Variants in CLIP1 observed in about 807,000 individuals in gnomAD.
CLIP1 encodes the protein CAP-Gly domain containing linker protein 1.
CLIP1 carries 66 observed loss-of-function variants against 161.6 expected under a neutral mutation model. The ratio of observed to expected loss-of-function variants is 0.41; its 90% CI spans 0.33 to 0.50. The LOEUF is 0.50. CLIP1 is among the 20% of genes least tolerant of loss of function. The pLI is 0.27. For missense variants in CLIP1, 1,376 were observed against 1,702.0 expected, an observed-to-expected ratio of 0.81 and a Z score of 3.37; for synonymous variants, 598 against 626.2, an observed-to-expected ratio of 0.96 and a Z score of 0.67.
chr12:122,405,564 A>AGCG (rs1335582782), intron 1 of CLIP1, among the ~76,000 whole-genome samples: 2 of 151,532 alleles, frequency 1.3e-5, no homozygotes, highest in African/African-American at 4.8e-5. Context: ...CAAGGCGGAT[A>AGCG]GATCACCTGA....
intron 1 of CLIP1, among the ~76,000 whole-genome samples, chr12:122,387,939 T>C (rs1955398356): frequency 6.6e-6 from 1 of 152,152 alleles, no homozygotes; most frequent in African/African-American, 2.4e-5. Context: ...TTTTAATTTC[T>C]AATATGGTAA....
At chr12:122,299,564 G>A (rs1252921941) in intron 20 of CLIP1, among the ~76,000 whole-genome samples, 1 of 129,774 alleles carries the variant, frequency 7.7e-6, no homozygotes, top group Non-Finnish European at 1.6e-5. Flanking sequence ...CTTTATTATT[G>A]TTGTTAAAAT....
At chr12:122,322,914 T>C (rs1321992318) in intron 17 of CLIP1, 3 of 152,660 alleles carry the variant, frequency 2.0e-5, no homozygotes, top group Non-Finnish European at 4.4e-5. Context: ...AGATTCTTTT[T>C]GGTATTTTGA....
intron 1 of CLIP1, among the ~76,000 whole-genome samples, chr12:122,401,720 T>C (rs971178137): frequency 1.3e-5 from 2 of 151,710 alleles, no homozygotes; most frequent in African/African-American, 4.8e-5. Flanking sequence ...TGATCTCGGC[T>C]GGGCATGCTG....
At chr12:122,327,821 G>A in intron 17 of CLIP1, 126 bp downstream of exon 17, 2 of 757,250 alleles carry the variant, frequency 2.6e-6, no homozygotes, top group Non-Finnish European at 2.2e-6. Flanking sequence ...CACGCACTCA[G>A]AAGGGTAACG....
At chr12:122,376,365 C>T (rs1335867225) in intron 3 of CLIP1, among the ~76,000 whole-genome samples, 1 of 151,886 alleles carries the variant, frequency 6.6e-6, no homozygotes, top group Non-Finnish European at 1.5e-5. Flanking sequence ...GGTTACCTTA[C>T]TATTTACAAG....
At chr12:122,314,265 T>C (rs1445162605) in intron 19 of CLIP1, among the ~76,000 whole-genome samples, 1 of 131,354 alleles carries the variant, frequency 7.6e-6, no homozygotes, top group Non-Finnish European at 1.6e-5. Context: ...CACTCTAGCC[T>C]GGGCTAAAGG....
intron 20 of CLIP1, among the ~76,000 whole-genome samples, chr12:122,290,439 T>C (rs184021422): frequency 1.6e-3 from 251 of 152,284 alleles, no homozygotes; most frequent in Middle Eastern, 6.8e-3. Flanking sequence ...GAGAGTGGGA[T>C]ATGGAGATGA....
chr12:122,324,048 T>C (rs1304827705), intron 17 of CLIP1: 1 of 152,696 alleles, frequency 6.5e-6, no homozygotes, highest in Non-Finnish European at 1.5e-5. Context: ...TGTACAACAT[T>C]GATTTCTTTA....
intron 19 of CLIP1, among the ~76,000 whole-genome samples, chr12:122,310,859 T>C (rs544943681): frequency 6.6e-6 from 1 of 152,214 alleles, no homozygotes; most frequent in Non-Finnish European, 1.5e-5. Context: ...AATTGTCTAA[T>C]GGGTGGCAGT....
At position 122,364,054 on chromosome 12, in the gene CLIP1, G is replaced by C; in HGVS notation, c.711C>G (p.Ala237=). 1 of 1,613,964 alleles carries C rather than the reference G, an allele frequency of 6.2e-7. No homozygotes were observed. The highest frequency in any genetic ancestry group is 8.5e-7 in the Non-Finnish European group (1 of 1,180,002). The part of the protein sequence containing the change: ...VVRFLGETDF[A]KGEWCGVELD... Reference sequence around the variant, plus strand: ...ACTCCACGCCACACCACTCCCCCTTGGCAAAGTCGGTCTCCCCAAGAAACC... The same window carrying C: ...ACTCCACGCCACACCACTCCCCCTTCGCAAAGTCGGTCTCCCCAAGAAACC... The change falls in exon 4 of 26, where the codon GCC becomes GCG. Residue 237 remains alanine, a synonymous_variant. Coordinates refer to ENST00000620786, the MANE Select transcript of CLIP1 (RefSeq NM_001247997.2).
chr12:122,391,597 TAATA>T lies in CLIP1; in HGVS notation c.-106-11043_-106-11040del, dbSNP rs140858805. Among the ~76,000 whole-genome samples the T allele has an allele frequency of 5.0e-3, 761 of 151,888 alleles. 5 individuals are homozygous for T. The highest frequency in any genetic ancestry group is 0.018 in the African/African-American group (728 of 41,440). ...GCGAGACTTCGTCTCAAAAAGAAAA[TAATA>T]AATAAAATAGTAATAAGAACTTCAT... is the stretch of plus-strand genomic sequence containing the variant. On this transcript the variant is annotated intron_variant, in intron 1 of 25. Transcript: ENST00000620786.
intron 17 of CLIP1, among the ~76,000 whole-genome samples, chr12:122,321,328 C>A (rs970975980): frequency 6.6e-6 from 1 of 150,896 alleles, no homozygotes; most frequent in African/African-American, 2.4e-5. Context: ...TCACTGCAAC[C>A]TCCATCTCCT....
chr12:122,401,243 G>C (rs1233188475), intron 1 of CLIP1, among the ~76,000 whole-genome samples: 1 of 152,262 alleles, frequency 6.6e-6, no homozygotes, highest in East Asian at 1.9e-4. Flanking sequence ...GCCAATGAAG[G>C]GTGGGTATGG....
intron 21 of CLIP1, chr12:122,280,902 C>G (rs1955620007): frequency 6.6e-6 from 1 of 152,214 alleles, no homozygotes; most frequent in Admixed American, 6.5e-5. Context: ...GAAGCCAAAT[C>G]ACACCTGGTT....
At chr12:122,288,965 G>A (rs536436226) in intron 20 of CLIP1, among the ~76,000 whole-genome samples, 6 of 151,174 alleles carry the variant, frequency 4.0e-5, no homozygotes, top group East Asian at 2.0e-4. Context: ...ACAGGCGCCC[G>A]CCACAACGCC....
chr12:122,329,237 G>A (rs1017464606), intron 15 of CLIP1, among the ~76,000 whole-genome samples: 2 of 152,166 alleles, frequency 1.3e-5, no homozygotes, highest in African/African-American at 4.8e-5. Flanking sequence ...TGAGGCAGGA[G>A]AACTGCTTGA....
At chr12:122,380,839 T>C (rs911006967) in intron 1 of CLIP1, among the ~76,000 whole-genome samples, 3 of 151,868 alleles carry the variant, frequency 2.0e-5, no homozygotes, top group Non-Finnish European at 4.4e-5. Flanking sequence ...AGGAGGACTG[T>C]TTGAGGCCAG....
intron 24 of CLIP1, chr12:122,276,635 A>C (rs2136206380): frequency 5.9e-5 from 23 of 389,018 alleles, no homozygotes; most frequent in Non-Finnish European, 9.6e-5. Context: ...CTAACATCTC[A>C]AGGTGAGTTT....
Sources: gnomAD v4.1 joint callset for allele counts (sites outside exome capture counted in the v4.1 genomes callset) on GRCh38, gnomAD v4.1.1 for gene constraint, MANE v1.5 for transcripts, NCBI Gene and HGNC (gene_info 2026-07-23, HGNC 2026-07-21) for gene names.